Variants in RUNDC3B observed in about 807,000 individuals in gnomAD.
RUNDC3B encodes the protein RUN domain containing 3B, also known as RUN domain-containing protein 3B.
In RUNDC3B, 33 loss-of-function variants were observed where a neutral mutation model predicts 58.4. That is an observed-to-expected ratio of 0.56 (90% confidence interval 0.43 to 0.75). The LOEUF (loss-of-function observed/expected upper bound fraction) is 0.75. RUNDC3B is among the 30% of genes least tolerant of loss of function. The pLI, the probability that RUNDC3B is intolerant of heterozygous loss-of-function variation, is 0.00. For missense variants in RUNDC3B, 501 were observed against 535.7 expected (o/e 0.94, Z 0.64); for synonymous variants, 193 against 195.2 (o/e 0.99, Z 0.10).
At chr7:87,747,214 T>G (rs1359410692) in intron 6 of RUNDC3B, among the ~76,000 whole-genome samples, 2 of 152,188 alleles carry the variant, frequency 1.3e-5, no homozygotes, top group Non-Finnish European at 2.9e-5. Flanking sequence ...TGTCTTCCTG[T>G]GAGCCTAGCT....
intron 4 of RUNDC3B, among the ~76,000 whole-genome samples, chr7:87,715,718 A>C (rs1321334281): frequency 2.0e-5 from 3 of 151,696 alleles, no homozygotes; most frequent in Admixed American, 6.6e-5. Context: ...TGTTAGGAAT[A>C]AACTGTAGAG....
intron 3 of RUNDC3B, 36 bp from the exon 4 acceptor site, chr7:87,710,534 T>A: frequency 7.7e-7 from 1 of 1,295,774 alleles, no homozygotes; most frequent in Non-Finnish European, 1.1e-6. Context: ...ATTTTTTTAA[T>A]TTTTTTTATA....
chr7:87,687,100 T>G (rs920102416), intron 2 of RUNDC3B, among the ~76,000 whole-genome samples: 1 of 152,186 alleles, frequency 6.6e-6, no homozygotes, highest in African/African-American at 2.4e-5. Context: ...ATTATACTTA[T>G]TAACATTTGG....
intron 2 of RUNDC3B, among the ~76,000 whole-genome samples, chr7:87,652,060 A>G (rs547297398): frequency 6.6e-6 from 1 of 152,144 alleles, no homozygotes; most frequent in African/African-American, 2.4e-5. Context: ...GTATTTTGAG[A>G]TATTATTAGA....
At chr7:87,777,990 A>G in intron 8 of RUNDC3B, 35 bp downstream of exon 8, 1 of 1,567,494 alleles carries the variant, frequency 6.4e-7, no homozygotes, top group Non-Finnish European at 8.7e-7. Context: ...TGTTGGTAGC[A>G]TGTAAACATT....
intron 9 of RUNDC3B, among the ~76,000 whole-genome samples, chr7:87,810,711 G>T (rs73706930): frequency 6.6e-6 from 1 of 151,974 alleles, no homozygotes; most frequent in South Asian, 2.1e-4. Context: ...ATATAATTTC[G>T]TTTATTTATC....
chr7:87,739,501 C>T (rs900623254), intron 4 of RUNDC3B, among the ~76,000 whole-genome samples: 1 of 151,900 alleles, frequency 6.6e-6, no homozygotes, highest in Non-Finnish European at 1.5e-5. Context: ...CACTCTAGAC[C>T]CATTGAAAGA....
At chr7:87,773,625 A>G (rs1375113843) in intron 7 of RUNDC3B, among the ~76,000 whole-genome samples, 1 of 151,104 alleles carries the variant, frequency 6.6e-6, no homozygotes, top group African/African-American at 2.4e-5. Flanking sequence ...TAGTGGAGTT[A>G]TTTTTGTTTG....
chr7:87,801,751 C>A (rs1466841227), intron 8 of RUNDC3B, among the ~76,000 whole-genome samples: 1 of 152,150 alleles, frequency 6.6e-6, no homozygotes, highest in Admixed American at 6.5e-5. Flanking sequence ...GGCGAAAGAG[C>A]AAGACTGTTT....
intron 2 of RUNDC3B, among the ~76,000 whole-genome samples, chr7:87,651,224 T>G (rs1823537734): frequency 6.6e-6 from 1 of 152,140 alleles, no homozygotes; most frequent in Admixed American, 6.6e-5. Context: ...ATCCCAAAGG[T>G]TACTAGATGG....
At chr7:87,646,864 A>T (rs1336792198) in intron 1 of RUNDC3B, among the ~76,000 whole-genome samples, 1 of 152,172 alleles carries the variant, frequency 6.6e-6, no homozygotes, top group Non-Finnish European at 1.5e-5. Flanking sequence ...TATGCATTAC[A>T]TCTGGCATTT....
At chr7:87,656,264 A>T (rs1004230775) in intron 2 of RUNDC3B, among the ~76,000 whole-genome samples, 1 of 152,090 alleles carries the variant, frequency 6.6e-6, no homozygotes, top group African/African-American at 2.4e-5. Context: ...AAAAATTTTT[A>T]AATAATTTTT....
chr7:87,721,751 T>C (rs1830901986), intron 4 of RUNDC3B, among the ~76,000 whole-genome samples: 1 of 152,048 alleles, frequency 6.6e-6, no homozygotes, highest in Non-Finnish European at 1.5e-5. Context: ...CTCACTGTTA[T>C]GCTCCTATTC....
intron 6 of RUNDC3B, among the ~76,000 whole-genome samples, chr7:87,744,633 A>G (rs1322645704): frequency 1.3e-5 from 2 of 152,118 alleles, no homozygotes; most frequent in African/African-American, 2.4e-5. Flanking sequence ...TGCTGTTGGT[A>G]TATAGAAGAG....
intron 8 of RUNDC3B, among the ~76,000 whole-genome samples, chr7:87,781,708 T>A: frequency 6.6e-6 from 1 of 152,170 alleles, no homozygotes; most frequent in East Asian, 1.9e-4. Flanking sequence ...TGTTGGATTT[T>A]ATCGAAAGCT....
intron 1 of RUNDC3B, 74 bp from the exon 2 acceptor site, chr7:87,650,748 C>T (rs946943775): frequency 3.9e-5 from 33 of 845,140 alleles, no homozygotes; most frequent in Non-Finnish European, 5.6e-5. Flanking sequence ...CCCAAATTGC[C>T]TTCCTCCCAT....
At position 87,689,494 on chromosome 7, in the gene RUNDC3B, T is replaced by C. The variant is rs28381738; in HGVS notation, c.239-10927T>C. Among the ~76,000 whole-genome samples the C allele has an allele frequency of 5.9e-4, 90 of 152,262 alleles. 2 individuals are homozygous for C. In the East Asian group the frequency reaches 0.017, roughly 29 times the overall value. On this transcript the variant is annotated intron_variant, in intron 2 of 10. Transcript: ENST00000394654. ...ATTCAACAATTTTGCTTTATTGCGC[T>C]AATATTTACTTTATTGTGCTAATAT...
intron 6 of RUNDC3B, among the ~76,000 whole-genome samples, chr7:87,761,940 T>C (rs907915263): frequency 3.3e-5 from 5 of 151,824 alleles, no homozygotes; most frequent in Non-Finnish European, 5.9e-5. Context: ...TAAAGGTGTA[T>C]ACAAGTATAC....
At chr7:87,735,676 G>A (rs1249985349) in intron 4 of RUNDC3B, among the ~76,000 whole-genome samples, 4 of 152,146 alleles carry the variant, frequency 2.6e-5, no homozygotes. Flanking sequence ...TCTGTGGCCT[G>A]CAAAGCCCTG....
Sources: allele counts gnomAD v4.1 joint callset (sites outside exome capture counted in the v4.1 genomes callset), GRCh38; gene constraint gnomAD v4.1.1; transcripts MANE v1.5; gene names NCBI Gene and HGNC (gene_info 2026-07-23, HGNC 2026-07-21).